The following AGAP5 variants were observed in gnomAD, a reference collection of about 807,000 sequenced individuals.
AGAP5 encodes ArfGAP with GTPase domain, ankyrin repeat and PH domain 5.
Under a neutral mutation model 27.7 loss-of-function variants are expected in AGAP5, and 8 were observed. The ratio of observed to expected loss-of-function variants is 0.29; its 90% CI spans 0.17 to 0.52. The LOEUF (loss-of-function observed/expected upper bound fraction) is 0.52. Ranked by LOEUF, AGAP5 falls within the 20% of genes least tolerant of loss-of-function variation. The probability of loss-of-function intolerance (pLI) is 0.97; values close to 1 mark genes in which losing one functional copy is unlikely to be tolerated. For missense variants in AGAP5, 285 were observed against 880.8 expected (o/e 0.32, Z 8.56); for synonymous variants, 111 against 338.0 (o/e 0.33, Z 7.37).
Position 73,689,639 on chromosome 10 carries a change from C to T in AGAP5, c.396+2404G>A, listed in dbSNP as rs567810226. 1.1e-4 allele frequency among the ~76,000 whole-genome samples: 17 copies of T among 151,984 alleles called. No homozygotes were observed. The South Asian group carries it at 3.1e-3, about 28-fold the overall frequency. ...GATGTGGGGAGCGCCTCTGCCCTGC[C>T]GCCCCGTCCAGGATGTGAGGAGCGT... On this transcript the variant is annotated intron_variant, in intron 4 of 7. Coordinates refer to ENST00000374094, the MANE Select transcript of AGAP5 (RefSeq NM_001144000.4).
rs1404280463 is a variant in AGAP5 at position 73,674,919 on chromosome 10, G to C, written c.1741C>G (p.Pro581Ala). The C allele has an allele frequency of 6.2e-7, 1 of 1,612,588 alleles. No individual in the cohort carries two copies. Among genetic ancestry groups the C allele is most frequent in the East Asian group, 2.2e-5 (1 of 44,890 alleles). ...YEEKLFLAPLPCTELSLGQHL... is the reference protein window; with the variant it reads ...YEEKLFLAPLACTELSLGQHL... ...TGGCCCAGGGACAGCTCAGTGCAGG[G>C]TAGTGGGGCCAGAAAGAGCTTCTCC... Residue 581 changes from proline to alanine, a missense_variant, in exon 8 of 8, where the codon CCC becomes GCC. Transcript: ENST00000374094.
chr10:73,692,438 A>G (rs1344576269), intron 3 of AGAP5, among the ~76,000 whole-genome samples: 1 of 152,218 alleles, frequency 6.6e-6, no homozygotes, highest in African/African-American at 2.4e-5. Context: ...ATTTACACAT[A>G]GCTTACTTTA....
intron 6 of AGAP5, among the ~76,000 whole-genome samples, chr10:73,679,255 C>T (rs1267001826): frequency 1.3e-5 from 2 of 152,050 alleles, no homozygotes; most frequent in Non-Finnish European, 2.9e-5. Context: ...CTCCGCCTCC[C>T]AAGTTCAAGC....
Position 73,697,614 on chromosome 10 carries a change from C to A in AGAP5, c.142G>T (p.Ala48Ser). The A allele has an allele frequency of 6.2e-7, 1 of 1,610,148 alleles. No individual in the cohort carries two copies. The highest frequency in any genetic ancestry group is 1.1e-5 in the South Asian group (1 of 91,052). The change falls in exon 1 of 8, where the codon GCT (alanine) becomes TCT (serine). Residue 48 changes from alanine (A) to serine (S), a missense_variant. By Grantham distance (99) the Ala-to-Ser change is moderately conservative. Transcript: ENST00000374094. ...DRMAGAPMAA[A>S]VQPAEVTVEV... Reference sequence around the variant, plus strand: ...ACGGTCACCTCAGCAGGCTGCACAGCAGCAGCCATGGGCGCTCCTGCCATC... The same window carrying A: ...ACGGTCACCTCAGCAGGCTGCACAGAAGCAGCCATGGGCGCTCCTGCCATC...
chr10:73,693,698 C>CA (rs200725473), intron 3 of AGAP5, among the ~76,000 whole-genome samples: 267 of 103,390 alleles, frequency 2.6e-3, no homozygotes, highest in East Asian at 0.017. Flanking sequence ...GACTCCATTT[C>CA]AAAAAAAAAA....
chr10:73,674,783 G>A lies in AGAP5; in HGVS notation c.1877C>T (p.Thr626Met), dbSNP rs552716808. 1.5e-4 allele frequency: 242 copies of A among 1,611,882 alleles called. 1 individual carries two copies. The South Asian group carries it at 2.2e-3, about 15-fold the overall frequency. ...NETCGEGDGC[T>M]ALHLACRKGN... ...CTTGCGGCAGGCCAGATGGAGCGCC[G>A]TGCAGCCGTCTCCCTCCCCACAGGT... The change falls in exon 8 of 8, where the codon ACG becomes ATG. Residue 626 changes from threonine to methionine, a missense_variant. By Grantham distance (81) the Thr-to-Met change is moderately conservative. Coordinates refer to ENST00000374094, the MANE Select transcript of AGAP5 (RefSeq NM_001144000.4).
At chr10:73,689,874 C>T (rs1316570957) in intron 4 of AGAP5, among the ~76,000 whole-genome samples, 3 of 151,106 alleles carry the variant, frequency 2.0e-5, no homozygotes, top group South Asian at 2.1e-4. Flanking sequence ...GTCAGCCCCC[C>T]GCCCGGCCAG....
intron 4 of AGAP5, among the ~76,000 whole-genome samples, chr10:73,689,550 T>C (rs548258807): frequency 9.3e-5 from 14 of 150,198 alleles, no homozygotes; most frequent in African/African-American, 1.5e-4. Flanking sequence ...GAGGAGCGCC[T>C]CTTCCCGGCC....
At chr10:73,687,829 G>A (rs1457269862) in intron 4 of AGAP5, among the ~76,000 whole-genome samples, 6 of 152,182 alleles carry the variant, frequency 3.9e-5, no homozygotes, top group Non-Finnish European at 7.3e-5. Context: ...AAGGTTGACA[G>A]AGATAATTTT....
intron 4 of AGAP5, among the ~76,000 whole-genome samples, chr10:73,686,669 A>G (rs965590459): frequency 1.1e-4 from 17 of 152,206 alleles, no homozygotes; most frequent in African/African-American, 3.1e-4. Flanking sequence ...ATTATCCAGA[A>G]TCTATGAGGA....
At chr10:73,686,701 A>G (rs1171482613) in intron 4 of AGAP5, among the ~76,000 whole-genome samples, 1 of 152,242 alleles carries the variant, frequency 6.6e-6, no homozygotes, top group Non-Finnish European at 1.5e-5. Flanking sequence ...TTACAATTAC[A>G]AAAATATGGA....
chr10:73,697,343 A>T (rs913828200), intron 1 of AGAP5, among the ~76,000 whole-genome samples, 180 bp from the exon 2 acceptor site: 1 of 151,928 alleles, frequency 6.6e-6, no homozygotes, highest in African/African-American at 2.4e-5. Flanking sequence ...AAAGAAACTG[A>T]CTGGACTCGG....
intron 4 of AGAP5, among the ~76,000 whole-genome samples, chr10:73,688,117 T>A (rs1219516760): frequency 6.6e-6 from 1 of 152,106 alleles, no homozygotes; most frequent in African/African-American, 2.4e-5. Flanking sequence ...TCTGGATATA[T>A]CAAACCTGAG....
At chr10:73,685,900 A>T (rs1234405150) in intron 4 of AGAP5, among the ~76,000 whole-genome samples, 1 of 152,164 alleles carries the variant, frequency 6.6e-6, no homozygotes, top group Non-Finnish European at 1.5e-5. Context: ...TTGCTGAATG[A>T]AGTCATGGAC....
chr10:73,696,858 C>T (rs114208797), intron 2 of AGAP5, among the ~76,000 whole-genome samples: 1,638 of 152,288 alleles, frequency 0.011, 24 homozygotes, highest in African/African-American at 0.037. Context: ...AAGAAACCCC[C>T]AAATATTTGA....
rs1270910313 is a variant in AGAP5, at chr10:73,697,942, G to A, written c.-187C>T. The A allele has an allele frequency of 1.3e-6, 2 of 1,519,736 alleles. No individual in the cohort carries two copies. The highest frequency in any genetic ancestry group is 2.8e-5 in the African/African-American group (2 of 72,718). 94.1% of individuals were successfully genotyped at this position (1,519,736 alleles called of 1,614,324 possible). On this transcript the variant is annotated 5_prime_UTR_variant, in exon 1 of 8. Coordinates refer to ENST00000374094, the MANE Select transcript of AGAP5 (RefSeq NM_001144000.4). ...GGCCCCGGCCCCGGCTAGGGCTGCG[G>A]GTCAAGGCCCACACCCTGCTGCCTC...
At position 73,674,778 on chromosome 10, in the gene AGAP5, G is replaced by A. The variant is rs765135394; in HGVS notation, c.1882C>T (p.Leu628Phe). ...TCGEGDGCTA[L>F]HLACRKGNVV... Reference sequence around the variant, plus strand: ...TTCCCCTTGCGGCAGGCCAGATGGAGCGCCGTGCAGCCGTCTCCCTCCCCA... The same window carrying A: ...TTCCCCTTGCGGCAGGCCAGATGGAACGCCGTGCAGCCGTCTCCCTCCCCA... Residue 628 changes from leucine to phenylalanine, a missense_variant, in exon 8 of 8, where the codon CTC becomes TTC. Leu to Phe is a conservative substitution (Grantham distance 22, BLOSUM62 0). Coordinates refer to ENST00000374094, the MANE Select transcript of AGAP5 (RefSeq NM_001144000.4). The A allele has an allele frequency of 1.9e-6, 3 of 1,611,936 alleles. No individual in the cohort carries two copies.
chr10:73,697,257 A>G, intron 1 of AGAP5, 94 bp from the exon 2 acceptor site: 1 of 1,569,016 alleles, frequency 6.4e-7, no homozygotes, highest in Non-Finnish European at 8.6e-7. Flanking sequence ...GACAAGAGCC[A>G]TAAATAAATG....
intron 3 of AGAP5, 113 bp downstream of exon 3, chr10:73,694,623 T>C (rs1332577755): frequency 7.2e-5 from 114 of 1,587,152 alleles, no homozygotes; most frequent in South Asian, 1.0e-4. Context: ...CAAGTGAACA[T>C]GTGAAAGGGT....
Sources: allele counts gnomAD v4.1 joint callset (sites outside exome capture counted in the v4.1 genomes callset), GRCh38; gene constraint gnomAD v4.1.1; transcripts MANE v1.5; gene names NCBI Gene and HGNC (gene_info 2026-07-23, HGNC 2026-07-21).